ZFAND4: variants seen among roughly 807,000 people sequenced by gnomAD.
ZFAND4 encodes AN1-type zinc finger protein 4.
In ZFAND4, 43 loss-of-function variants were observed where a neutral mutation model predicts 64.4. The observed-to-expected ratio is 0.67, with a 90% confidence interval of 0.52 to 0.86. The LOEUF is 0.86. Ranked by LOEUF, ZFAND4 falls within the 40% of genes least tolerant of loss-of-function variation. ZFAND4 has a pLI of 0.00. For synonymous variants in ZFAND4, 296 were observed against 305.7 expected (o/e 0.97, Z 0.33); for missense variants, 929 against 859.8 (o/e 1.08, Z -1.01).
chr10:45,626,146 C>T lies in ZFAND4; in HGVS notation c.1677G>A (p.Glu559=). Reference sequence around the variant, plus strand: ...TGATATTATTTACACAACCAACAGGCTCTTTGGAAGCCTTGTTAGTCATTT... The same window carrying T: ...TGATATTATTTACACAACCAACAGGTTCTTTGGAAGCCTTGTTAGTCATTT... ...ITEMTNKASK[E]PVGCVNNISF... The change falls in exon 7 of 10, where the codon GAG becomes GAA. Residue 559 remains glutamate (E), a synonymous_variant. Transcript: ENST00000344646. 1.2e-6 allele frequency: 2 copies of T among 1,614,176 alleles called. No individual in the cohort carries two copies. The highest frequency in any genetic ancestry group is 2.2e-5 in the East Asian group (1 of 44,888).
At chr10:45,640,853 C>T (rs367919428) in intron 5 of ZFAND4, among the ~76,000 whole-genome samples, 6 of 152,146 alleles carry the variant, frequency 3.9e-5, no homozygotes, top group African/African-American at 1.4e-4. Context: ...ATGTAAAAAC[C>T]TAGACTAGCA....
rs1160233845 is a variant in ZFAND4, at chr10:45,652,122, GA to G, written c.261-90del. 1.5e-5 allele frequency: 18 copies of G among 1,210,202 alleles called. No homozygotes were observed. The African/African-American group carries it at 2.5e-4, about 17-fold the overall frequency. The allele number at this position is 1,210,202 out of a possible 1,614,324, so 75.0% of individuals were successfully genotyped here. A position where few individuals can be genotyped will look rare whatever the true frequency, so the allele number is the denominator to read the frequency against. On this transcript the variant is annotated intron_variant, in intron 3 of 9. Coordinates refer to ENST00000344646, the MANE Select transcript of ZFAND4 (RefSeq NM_174890.4). ...TAATTATGTGCTGGCTTATCAGGCAGAGTGGCCACTCTCTAAAATATAAAAA... is the reference window on the plus strand; with the variant it reads ...TAATTATGTGCTGGCTTATCAGGCAGGTGGCCACTCTCTAAAATATAAAAA...
intron 6 of ZFAND4, among the ~76,000 whole-genome samples, chr10:45,635,194 G>GC (rs1491372433): frequency 2.7e-3 from 23 of 8,656 alleles, no homozygotes; most frequent in Admixed American, 6.3e-3. Context: ...AGCCATCTAA[G>GC]CAAAAAAAAA....
At chr10:45,618,454 TGTG>T (rs1424078849) in intron 8 of ZFAND4, among the ~76,000 whole-genome samples, 194 bp from the exon 9 acceptor site, 9 of 152,256 alleles carry the variant, frequency 5.9e-5, no homozygotes, top group Admixed American at 2.6e-4. Flanking sequence ...TCTTTTAAGA[TGTG>T]GTAGGTTTCT....
Position 45,651,947 on chromosome 10 carries a change from A to G in ZFAND4, c.328+19T>C. 6.3e-7 allele frequency: 1 copy of G among 1,599,992 alleles called. No individual in the cohort carries two copies. The highest frequency in any genetic ancestry group is 1.1e-5 in the South Asian group (1 of 90,534). ...AAGAATGTTACTGTCAAATTGCTTT[A>G]ATATATATATATGCCTACCTCTTCT... On this transcript the variant is annotated intron_variant, in intron 4 of 9. Coordinates refer to ENST00000344646, the MANE Select transcript of ZFAND4 (RefSeq NM_174890.4).
rs1468137739 is a variant in ZFAND4 at position 45,616,614 on chromosome 10, G to A, written c.2049-43C>T. On this transcript the variant is annotated intron_variant, in intron 9 of 9. Transcript: ENST00000344646. ...TTTACGTGAATAGTTGTATTTCTAT[G>A]AAAGGCTCATCTGTCTGGGAGACAG... 12 of 1,609,356 alleles carry A rather than the reference G, an allele frequency of 7.5e-6. No individual in the cohort carries two copies. In the East Asian group the frequency reaches 2.5e-4, roughly 33 times the overall value.
chr10:45,625,921 A>G, intron 7 of ZFAND4, 30 bp downstream of exon 7: 2 of 1,595,062 alleles, frequency 1.3e-6, no homozygotes, highest in Middle Eastern at 3.9e-4. Context: ...AAGGATAACT[A>G]CTAGAGCATG....
intron 5 of ZFAND4, among the ~76,000 whole-genome samples, chr10:45,644,818 T>A (rs960517474): frequency 6.6e-6 from 1 of 152,124 alleles, no homozygotes; most frequent in Non-Finnish European, 1.5e-5. Flanking sequence ...CTATGAATAG[T>A]CTGCATGAAG....
In ZFAND4 at chr10:45,657,487, A is replaced by C. The variant is rs547709228; in HGVS notation, c.185-4428T>G. ...CAACTAGAACTTTTATGTATTACTC[A>C]TACAAACACAAAATGGTAACAACCA... On this transcript the variant is annotated intron_variant, in intron 2 of 9. Coordinates refer to ENST00000344646, the MANE Select transcript of ZFAND4 (RefSeq NM_174890.4). Among the ~76,000 whole-genome samples, 17 of 152,374 alleles carry C rather than the reference A, an allele frequency of 1.1e-4. No individual in the cohort carries two copies. In the South Asian group the frequency reaches 3.3e-3, roughly 30 times the overall value.
At position 45,633,173 on chromosome 10, in the gene ZFAND4, C is replaced by A. The variant is rs73292824; in HGVS notation, c.718-6068G>T. The stretch of plus-strand genomic sequence containing the variant: ...ACACAGAAACCTATGAATAATAGAC[C>A]TTCATCTATTACCATTCTCATTCTA... On this transcript the variant is annotated intron_variant, in intron 6 of 9. Transcript: ENST00000344646. Among the ~76,000 whole-genome samples, 215 of 150,540 alleles carry A rather than the reference C, an allele frequency of 1.4e-3. 2 individuals are homozygous for A. Among genetic ancestry groups the A allele is most frequent in the African/African-American group, 4.9e-3 (199 of 41,028 alleles).
chr10:45,656,521 A>AAAAAG lies in ZFAND4; in HGVS notation c.185-3467_185-3463dup, dbSNP rs1490231387. Among the ~76,000 whole-genome samples the AAAAAG allele has an allele frequency of 1.6e-3, 241 of 147,206 alleles. 2 individuals are homozygous for AAAAAG. The highest frequency in any genetic ancestry group is 3.5e-3 in the Middle Eastern group (1 of 286). ...TGTCTCAAAAAAAAAAAAAAAAAAAAAAAAGAAAAGAAAAAAGAAAGAAAG... is the reference window on the plus strand; with the variant it reads ...TGTCTCAAAAAAAAAAAAAAAAAAAAAAAAGAAAAGAAAAGAAAAAAGAAAGAAAG... On this transcript the variant is annotated intron_variant, in intron 2 of 9. Transcript: ENST00000344646.
At chr10:45,656,793 A>C (rs946674797) in intron 2 of ZFAND4, among the ~76,000 whole-genome samples, 1 of 152,024 alleles carries the variant, frequency 6.6e-6, no homozygotes, top group Non-Finnish European at 1.5e-5. Context: ...GGTCCTCAAG[A>C]ATGGGATTAG....
intron 4 of ZFAND4, 135 bp from the exon 5 acceptor site, chr10:45,648,669 A>C (rs2047556479): frequency 3.9e-6 from 4 of 1,022,470 alleles, no homozygotes; most frequent in Non-Finnish European, 5.3e-6. Flanking sequence ...TCTTCAAATA[A>C]GTTTCTGATC....
Position 45,626,560 on chromosome 10 carries a change from T to C in ZFAND4, c.1263A>G (p.Lys421=), listed in dbSNP as rs1385023954. ...EQSSGLEGAC[K]VNLELLLTNA... ...TAGTGAGTAGCAACTCCAGATTCAC[T>C]TTGCACGCACCTTCTAAGCCGCTGC... The change falls in exon 7 of 10, where the codon AAA becomes AAG. Residue 421 remains lysine, a synonymous_variant. Transcript: ENST00000344646. 2 of 1,614,162 alleles carry C rather than the reference T, an allele frequency of 1.2e-6. No individual in the cohort carries two copies. The highest frequency in any genetic ancestry group is 3.3e-5 in the Admixed American group (2 of 60,022).
At chr10:45,634,511 A>G (rs959374640) in intron 6 of ZFAND4, among the ~76,000 whole-genome samples, 1 of 151,436 alleles carries the variant, frequency 6.6e-6, no homozygotes, top group African/African-American at 2.4e-5. Context: ...CCTGGGCAAC[A>G]GCAAGACTCC....
chr10:45,672,776 C>G (rs989739849), upstream of ZFAND4: 1 of 152,358 alleles, frequency 6.6e-6, no homozygotes, highest in African/African-American at 2.4e-5. Context: ...CGACAACGCT[C>G]CGCTGCCGCC....
rs192774562 is a variant in ZFAND4 at position 45,647,197 on chromosome 10, C to T, written c.569+1097G>A. Among the ~76,000 whole-genome samples, 24 of 152,262 alleles carry T rather than the reference C, an allele frequency of 1.6e-4. 1 individual carries two copies. Among genetic ancestry groups the T allele is most frequent in the Admixed American group, 1.4e-3 (21 of 15,288 alleles). The stretch of plus-strand genomic sequence containing the variant: ...GGGTTCATCAAAAGGGAGCTGAGGG[C>T]AGCCTCTAGTCAATAGCCAGCAAAA... On this transcript the variant is annotated intron_variant, in intron 5 of 9. Transcript: ENST00000344646.
At chr10:45,628,528 C>T (rs1194997530) in intron 6 of ZFAND4, among the ~76,000 whole-genome samples, 1 of 152,052 alleles carries the variant, frequency 6.6e-6, no homozygotes, top group African/African-American at 2.4e-5. Flanking sequence ...AGGCTGGTCT[C>T]GAACCCCTGA....
intron 8 of ZFAND4, chr10:45,621,015 T>C (rs529369027): frequency 6.6e-6 from 1 of 152,356 alleles, no homozygotes; most frequent in South Asian, 2.1e-4. Context: ...GGTAATTCAC[T>C]TGCTTGCCAT....
Sources: gnomAD v4.1 joint callset for allele counts (sites outside exome capture counted in the v4.1 genomes callset) on GRCh38, gnomAD v4.1.1 for gene constraint, MANE v1.5 for transcripts, NCBI Gene and HGNC (gene_info 2026-07-23, HGNC 2026-07-21) for gene names.